Variants in PTGES2 observed in about 807,000 individuals in gnomAD.
The protein encoded by PTGES2 is prostaglandin E synthase 2, also known as GATE-binding factor 1.
In PTGES2, 35 loss-of-function variants were observed where a neutral mutation model predicts 44.5. The observed-to-expected ratio is 0.79, with a 90% CI of 0.60 to 1.04. The LOEUF (loss-of-function observed/expected upper bound fraction) is 1.04, where lower values mean the gene tolerates loss of function less well. Among genes scored for constraint, PTGES2 ranks in the 50% least tolerant of loss-of-function variants. The pLI, the probability that PTGES2 is intolerant of heterozygous loss-of-function variation, is 0.00. For synonymous variants in PTGES2, 221 were observed against 227.5 expected, an observed-to-expected ratio of 0.97 and a Z score of 0.26; for missense variants, 517 against 521.4, an observed-to-expected ratio of 0.99 and a Z score of 0.08.
chr9:128,127,522 G>T lies in PTGES2; in HGVS notation c.196C>A (p.Leu66Met). Residue 66 changes from leucine (L) to methionine (M), a missense_variant, in exon 1 of 7, where the codon CTG becomes ATG. Leu to Met is a conservative substitution (Grantham distance 15). Transcript: ENST00000338961. Reference sequence around the variant, plus strand: ...TGGTACAGCCCCAGGGCTCCCCCCAGGGCCAGCGCCGCAGCTCCCAGCAGC... The same window carrying T: ...TGGTACAGCCCCAGGGCTCCCCCCATGGCCAGCGCCGCAGCTCCCAGCAGC... The part of the protein sequence containing the change: ...PRLLGAAALA[L>M]GGALGLYHTA... The T allele has an allele frequency of 7.6e-7, 1 of 1,316,334 alleles. No homozygotes were observed. The highest frequency in any genetic ancestry group is 9.7e-7 in the Non-Finnish European group (1 of 1,032,108). The allele number at this position is 1,316,334 out of a possible 1,614,324, so 81.5% of individuals were successfully genotyped here.
intron 5 of PTGES2, 71 bp downstream of exon 5, chr9:128,122,863 G>A (rs1834468322): frequency 6.5e-7 from 1 of 1,528,556 alleles, no homozygotes. Context: ...TGAGGGGTGT[G>A]ATGGGATCAC....
At chr9:128,124,206 C>T in intron 3 of PTGES2, 1 of 370,388 alleles carries the variant, frequency 2.7e-6, no homozygotes, top group South Asian at 3.5e-5. Flanking sequence ...GCCTCAGCCT[C>T]CTGAGTAGCT....
chr9:128,122,513 C>G, intron 5 of PTGES2, 34 bp from the exon 6 acceptor site: 1 of 1,569,144 alleles, frequency 6.4e-7, no homozygotes, highest in Non-Finnish European at 8.8e-7. Context: ...CTCAGGGGAG[C>G]CCCCACTCCC....
Position 128,127,484 on chromosome 9 carries a change from C to T in PTGES2, c.234G>A (p.Trp78Ter). 1 of 1,401,868 alleles carries T rather than the reference C, an allele frequency of 7.1e-7. No homozygotes were observed. The highest frequency in any genetic ancestry group is 1.5e-5 in the African/African-American group (1 of 67,804). The allele number at this position is 1,401,868 out of a possible 1,614,324, so 86.8% of individuals were successfully genotyped here. The change falls in exon 1 of 7, where the codon TGG (tryptophan) becomes TGA (stop). Residue 78 changes from tryptophan to a stop codon, truncating the protein, a stop_gained. Transcript: ENST00000338961. LOFTEE classifies it high-confidence loss of function. ...GALGLYHTAR[W>*]HLRAQDLHAE... Reference sequence around the variant, plus strand: ...CGTGGAGGTCCTGGGCGCGCAGGTGCCACCGCGCCGTGTGGTACAGCCCCA... The same window carrying T: ...CGTGGAGGTCCTGGGCGCGCAGGTGTCACCGCGCCGTGTGGTACAGCCCCA...
In PTGES2 at chr9:128,127,585, GGCCGC is replaced by G; in HGVS notation, c.128_132del (p.Gly43AlafsTer9). 1 of 1,276,038 alleles carries G rather than the reference GGCCGC, an allele frequency of 7.8e-7. No individual in the cohort carries two copies. The highest frequency in any genetic ancestry group is 9.9e-7 in the Non-Finnish European group (1 of 1,012,510). 79.0% of individuals were successfully genotyped at this position (1,276,038 alleles called of 1,614,324 possible). ...TTACGAGCTGCAGCCACGGGGCTCG[GGCCGC>G]CCGCCGCCCCCGCGAAGCCAGCCCG... On this transcript the variant is annotated frameshift_variant, in exon 1 of 7. Coordinates refer to ENST00000338961, the MANE Select transcript of PTGES2 (RefSeq NM_025072.7). LOFTEE classifies it high-confidence loss of function.
chr9:128,128,036 G>T, upstream of PTGES2: 1 of 385,134 alleles, frequency 2.6e-6, no homozygotes, highest in Non-Finnish European at 4.8e-6. Flanking sequence ...AGGGCGGCGT[G>T]GCCGTCTGTA....
chr9:128,124,282 C>T, intron 3 of PTGES2: 1 of 441,618 alleles, frequency 2.3e-6, no homozygotes, highest in Non-Finnish European at 4.2e-6. Context: ...TGGAGCTTCG[C>T]CATGTTGGCC....
chr9:128,127,664 C>CA lies in PTGES2; in HGVS notation c.53dup (p.Leu18PhefsTer36). 1 of 1,299,210 alleles carries CA rather than the reference C, an allele frequency of 7.7e-7. No homozygotes were observed. The highest frequency in any genetic ancestry group is 9.8e-7 in the Non-Finnish European group (1 of 1,023,762). The allele number at this position is 1,299,210 out of a possible 1,614,324, so 80.5% of individuals were successfully genotyped here. ...GGGGGCGGCCTCCCAGCCTCCAGGC[C>CA]AAGGCGCACCCACCAGGCCACAGCG... On this transcript the variant is annotated frameshift_variant, in exon 1 of 7. Coordinates refer to ENST00000338961, the MANE Select transcript of PTGES2 (RefSeq NM_025072.7). LOFTEE classifies it high-confidence loss of function.
rs760647478 is a variant in PTGES2 at position 128,127,691 on chromosome 9, C to T, written c.27G>A (p.Arg9=). Residue 9 remains arginine (R), a synonymous_variant, in exon 1 of 7, where the codon CGG becomes CGA. Transcript: ENST00000338961. ...AGGCGCACCCACCAGGCCACAGCGC[C>T]CGCACCACCCGCGCAGCCGGGTCCA... The part of the protein sequence containing the change: MDPAARVV[R]ALWPGGCALA... 3.9e-6 allele frequency: 5 copies of T among 1,286,484 alleles called. No homozygotes were observed. Among genetic ancestry groups the T allele is most frequent in the South Asian group, 2.5e-5 (1 of 40,584 alleles). The allele number at this position is 1,286,484 out of a possible 1,614,324, so 79.7% of individuals were successfully genotyped here.
At chr9:128,128,115 C>A (rs943398785), upstream of PTGES2, 9 of 369,392 alleles carry the variant, frequency 2.4e-5, no homozygotes, top group African/African-American at 1.9e-4. Flanking sequence ...AGAGTCAGTA[C>A]AGGCGCCGCG....
Position 128,123,706 on chromosome 9 carries a change from TGGCCTCCTTCCCACCATACACTTGCTG to T in PTGES2, c.655_681del (p.Gln219_Ala227del). 6.3e-7 allele frequency: 1 copy of T among 1,589,942 alleles called. No homozygotes were observed. The highest frequency in any genetic ancestry group is 8.6e-7 in the Non-Finnish European group (1 of 1,165,284). On this transcript the variant is annotated inframe_deletion, in exon 4 of 7. Transcript: ENST00000338961. This position sits in a 1 kb window ranked among gnomAD's most constrained non-coding sequence, Gnocchi z 4.4. ...GCCAGCCCCAGCCCCACTCACGTCC[TGGCCTCCTTCCCACCATACACTTGCTG>T]GGCCTCCTTCTCGTTGAGCATGAGC... is the stretch of plus-strand genomic sequence containing the variant.
chr9:128,127,665 A>G lies in PTGES2; in HGVS notation c.53T>C (p.Leu18Ser). 1 of 1,299,300 alleles carries G rather than the reference A, an allele frequency of 7.7e-7. No individual in the cohort carries two copies. 80.5% of individuals were successfully genotyped at this position (1,299,300 alleles called of 1,614,324 possible). ...GGGGCGGCCTCCCAGCCTCCAGGCC[A>G]AGGCGCACCCACCAGGCCACAGCGC... ...VRALWPGGCA[L>S]AWRLGGRPQP... is the part of the protein sequence containing the mutation. Residue 18 changes from leucine to serine, a missense_variant, in exon 1 of 7, where the codon TTG (leucine) becomes TCG (serine). Physicochemically the swap from Leu to Ser is moderately radical, Grantham distance 145. Coordinates refer to ENST00000338961, the MANE Select transcript of PTGES2 (RefSeq NM_025072.7).
At chr9:128,125,886 T>C (rs1834600322) in intron 1 of PTGES2, among the ~76,000 whole-genome samples, 1 of 152,152 alleles carries the variant, frequency 6.6e-6, no homozygotes, top group South Asian at 2.1e-4. Context: ...TGTTCACCAG[T>C]GGGGTCTACC....
At chr9:128,125,523 G>C in intron 1 of PTGES2, 82 bp from the exon 2 acceptor site, 2 of 1,312,706 alleles carry the variant, frequency 1.5e-6, no homozygotes, top group Non-Finnish European at 2.2e-6. Context: ...TTCCAGAGGA[G>C]TCTTCTGAAA....
In PTGES2 at chr9:128,120,861, A is replaced by G; in HGVS notation, c.*284T>C. 2.2e-6 allele frequency: 1 copy of G among 461,050 alleles called. No individual in the cohort carries two copies. The highest frequency in any genetic ancestry group is 3.9e-6 in the Non-Finnish European group (1 of 259,240). 28.6% of individuals were successfully genotyped at this position (461,050 alleles called of 1,614,324 possible). ...TCGAGGGCCCCCACCCACAGGATGTAGCCATGGGACAGCCACTGAGGGTCC... is the reference window on the plus strand; with the variant it reads ...TCGAGGGCCCCCACCCACAGGATGTGGCCATGGGACAGCCACTGAGGGTCC... On this transcript the variant is annotated 3_prime_UTR_variant, in exon 7 of 7. Transcript: ENST00000338961.
At chr9:128,124,728 T>G in intron 2 of PTGES2, 178 bp from the exon 3 acceptor site, 1 of 1,334,438 alleles carries the variant, frequency 7.5e-7, no homozygotes, top group Non-Finnish European at 9.8e-7. Context: ...TTGTGGCCAA[T>G]GGGGAGGAAG....
chr9:128,123,761 G>A lies in PTGES2; in HGVS notation c.627C>T (p.Tyr209=), dbSNP rs1195708133. 1 of 1,613,970 alleles carries A rather than the reference G, an allele frequency of 6.2e-7. No homozygotes were observed. Among genetic ancestry groups the A allele is most frequent in the Non-Finnish European group, 8.5e-7 (1 of 1,180,012 alleles). ...CCTCCTTCTCGTTGAGCATGAGCCA[G>A]TACTTATTGCCGAACTCGGTCACCT... is the stretch of plus-strand genomic sequence containing the variant. ...GKEVTEFGNK[Y]WLMLNEKEAQ... is the part of the protein sequence containing the mutation. Residue 209 remains tyrosine, a synonymous_variant, in exon 4 of 7, where the codon TAC becomes TAT. Transcript: ENST00000338961. This position sits in a 1 kb window ranked among gnomAD's most constrained non-coding sequence, Gnocchi z 4.4.
chr9:128,126,719 GCTGGGTGGCAGGCGC>G (rs971093017), intron 1 of PTGES2, among the ~76,000 whole-genome samples: 8 of 152,112 alleles, frequency 5.3e-5, no homozygotes, highest in African/African-American at 1.9e-4. Flanking sequence ...AATTAGCCGG[GCTGGGTGGCAGGCGC>G]CTGTAATCCC....
intron 5 of PTGES2, 178 bp downstream of exon 5, chr9:128,122,756 G>T: frequency 1.4e-6 from 1 of 694,194 alleles, no homozygotes. Context: ...GGGGAGGTGA[G>T]CAGGAGCTCT....
Sources: allele counts gnomAD v4.1 joint callset (sites outside exome capture counted in the v4.1 genomes callset), GRCh38; gene constraint gnomAD v4.1.1; non-coding constraint Gnocchi (gnomAD v3.1); transcripts MANE v1.5; gene names NCBI Gene and HGNC (gene_info 2026-07-23, HGNC 2026-07-21).